HYDIN: variants seen among roughly 807,000 people sequenced by gnomAD.
HYDIN encodes axonemal central pair apparatus protein HYDIN.
HYDIN carries 132 observed loss-of-function variants against 403.9 expected under a neutral mutation model. The observed-to-expected ratio is 0.33, with a 90% confidence interval of 0.28 to 0.38. HYDIN has a LOEUF of 0.38. Ranked by LOEUF, HYDIN falls within the 10% of genes least tolerant of loss-of-function variation. The pLI, the probability that HYDIN is intolerant of heterozygous loss-of-function variation, is 1.00. For synonymous variants in HYDIN, 1,202 were observed against 1,891.7 expected, an observed-to-expected ratio of 0.64 and a Z score of 9.46; for missense variants, 2,827 against 5,009.5, an observed-to-expected ratio of 0.56 and a Z score of 13.15.
In HYDIN at chr16:70,809,822, G is replaced by A; in HGVS notation, c.14844C>T (p.Phe4948=). The part of the protein sequence containing the change: ...LGSSQIILVK[F]INYTRQRTEY... ...CTGTCCTCTGCCGTGTGTAATTGAT[G>A]AACTTCACAAGGATGATTTGGCTGC... The change falls in exon 85 of 86, where the codon TTC becomes TTT. Residue 4948 remains phenylalanine, a synonymous_variant. Transcript: ENST00000393567. The A allele has an allele frequency of 6.2e-7, 1 of 1,614,172 alleles. No homozygotes were observed. Among genetic ancestry groups the A allele is most frequent in the Non-Finnish European group, 8.5e-7 (1 of 1,180,016 alleles).
At chr16:70,956,378 G>A (rs1253012570) in intron 39 of HYDIN, among the ~76,000 whole-genome samples, 1 of 152,182 alleles carries the variant, frequency 6.6e-6, no homozygotes, top group African/African-American at 2.4e-5. Context: ...ACATGTAACT[G>A]TATTTCTTAT....
chr16:71,161,590 T>C (rs1289861095), intron 6 of HYDIN, among the ~76,000 whole-genome samples: 1 of 152,232 alleles, frequency 6.6e-6, no homozygotes, highest in East Asian at 1.9e-4. Flanking sequence ...CAACAGCAGA[T>C]TGAGTCCCTC....
rs530281357 is a variant in HYDIN, at chr16:71,027,083, T to C, written c.3042+519A>G. On this transcript the variant is annotated intron_variant, in intron 20 of 85. Transcript: ENST00000393567. Reference sequence around the variant, plus strand: ...TTTTACGTAGAGTGTATGGAGATCATGTAAATAAAAGCAGGGAATCAGAGT... The same window carrying C: ...TTTTACGTAGAGTGTATGGAGATCACGTAAATAAAAGCAGGGAATCAGAGT... 12 of 960,572 alleles carry C rather than the reference T, an allele frequency of 1.2e-5. No individual in the cohort carries two copies. In the South Asian group the frequency reaches 2.8e-4, roughly 22 times the overall value. The allele number at this position is 960,572 out of a possible 1,614,324, so 59.5% of individuals were successfully genotyped here. A position where few individuals can be genotyped will look rare whatever the true frequency, so the allele number is the denominator to read the frequency against.
At chr16:70,859,597 C>G (rs1597145045) in intron 71 of HYDIN, among the ~76,000 whole-genome samples, 2 of 152,154 alleles carry the variant, frequency 1.3e-5, no homozygotes, top group Non-Finnish European at 2.9e-5. Context: ...GCCAGCAAGT[C>G]TGTATTTCTT....
chr16:71,192,682 G>T (rs185807484), intron 1 of HYDIN, among the ~76,000 whole-genome samples: 2 of 152,186 alleles, frequency 1.3e-5, no homozygotes, highest in East Asian at 3.9e-4. Context: ...CCTTCCTTAT[G>T]ATCTCACAGG....
At chr16:70,992,961 C>G (rs1597488484) in intron 23 of HYDIN, among the ~76,000 whole-genome samples, 1 of 152,202 alleles carries the variant, frequency 6.6e-6, no homozygotes, top group East Asian at 1.9e-4. Flanking sequence ...CTGGACCCCT[C>G]TCTGACCCTC....
At chr16:71,086,509 CCTTT>C (rs1210737880) in intron 12 of HYDIN, among the ~76,000 whole-genome samples, 1 of 150,812 alleles carries the variant, frequency 6.6e-6, no homozygotes, top group Non-Finnish European at 1.5e-5. Context: ...TAGCACTTTC[CCTTT>C]CTTTCATCTA....
intron 13 of HYDIN, among the ~76,000 whole-genome samples, chr16:71,078,302 A>G (rs1372210441): frequency 5.3e-5 from 8 of 151,682 alleles, no homozygotes; most frequent in African/African-American, 1.7e-4. Context: ...CTTCTTTTTC[A>G]GTATATTCTA....
In HYDIN at chr16:70,981,372, C is replaced by T; in HGVS notation, c.4510+19G>A. On this transcript the variant is annotated intron_variant, in intron 29 of 85. Coordinates refer to ENST00000393567, the MANE Select transcript of HYDIN (RefSeq NM_001270974.2). ...TTGTTTTGTCCCCAGTGGGGAACTA[C>T]TCCAGTGTGAAGTACTACCTGTGAG... is the stretch of plus-strand genomic sequence containing the variant. The T allele has an allele frequency of 1.2e-6, 2 of 1,607,980 alleles. No individual in the cohort carries two copies. Among genetic ancestry groups the T allele is most frequent in the Middle Eastern group, 1.8e-4 (1 of 5,624 alleles).
chr16:71,227,611 T>C (rs767222393), intron 1 of HYDIN, among the ~76,000 whole-genome samples: 3 of 152,146 alleles, frequency 2.0e-5, no homozygotes, highest in Non-Finnish European at 4.4e-5. Flanking sequence ...TTACAAGGGA[T>C]GTGAAGGAAC....
intron 1 of HYDIN, among the ~76,000 whole-genome samples, chr16:71,200,187 T>C (rs1457884048): frequency 6.6e-6 from 1 of 152,210 alleles, no homozygotes; most frequent in Non-Finnish European, 1.5e-5. Flanking sequence ...GCCCCTTGTT[T>C]AGCAAATCAT....
At chr16:71,214,897 A>T (rs190171620) in intron 1 of HYDIN, among the ~76,000 whole-genome samples, 91 of 152,246 alleles carry the variant, frequency 6.0e-4, no homozygotes, top group South Asian at 4.2e-4. Context: ...ATAAACTACC[A>T]ACACTCAAGT....
chr16:71,002,363 T>C (rs202169881), intron 23 of HYDIN, among the ~76,000 whole-genome samples: 12 of 152,022 alleles, frequency 7.9e-5, no homozygotes, highest in Non-Finnish European at 1.6e-4. Context: ...CTTGGCAACA[T>C]AATGAGACCC....
chr16:70,932,705 G>A (rs1020877952), intron 45 of HYDIN, among the ~76,000 whole-genome samples: 1 of 152,212 alleles, frequency 6.6e-6, no homozygotes, highest in Non-Finnish European at 1.5e-5. Context: ...TCCTGAAGAG[G>A]AGTTCAGTGG....
chr16:71,177,908 A>G (rs2086735486), intron 4 of HYDIN, among the ~76,000 whole-genome samples: 1 of 152,240 alleles, frequency 6.6e-6, no homozygotes, highest in Admixed American at 6.5e-5. Flanking sequence ...AGAAAAAGTC[A>G]TAAGGCTGAA....
intron 1 of HYDIN, among the ~76,000 whole-genome samples, 174 bp downstream of exon 1, chr16:71,230,388 G>C (rs1055861990): frequency 6.6e-6 from 1 of 152,154 alleles, no homozygotes; most frequent in Non-Finnish European, 1.5e-5. Context: ...CCGAGGTCCC[G>C]TAACTTTCAT....
In HYDIN at chr16:71,198,888, G is replaced by A. The variant is rs79148396; in HGVS notation, c.-23-11970C>T. Among the ~76,000 whole-genome samples the A allele has an allele frequency of 8.5e-3, 1,296 of 152,310 alleles. 18 individuals are homozygous for A. Among genetic ancestry groups the A allele is most frequent in the African/African-American group, 0.03 (1,234 of 41,552 alleles). On this transcript the variant is annotated intron_variant, in intron 1 of 85. Coordinates refer to ENST00000393567, the MANE Select transcript of HYDIN (RefSeq NM_001270974.2). ...CTCCTTCATAGTATGCATATCTTAA[G>A]CTATAGTAGTTGAGACTGAATAGTT...
chr16:71,026,622 T>C (rs1250985665), intron 20 of HYDIN, among the ~76,000 whole-genome samples: 2 of 152,214 alleles, frequency 1.3e-5, no homozygotes, highest in Admixed American at 6.5e-5. Flanking sequence ...ACAATAAAAG[T>C]TGGCTGATCA....
chr16:70,894,408 G>A lies in HYDIN; in HGVS notation c.9248+41C>T, dbSNP rs766610312. The A allele has an allele frequency of 2.4e-5, 39 of 1,611,068 alleles. No homozygotes were observed. In the East Asian group the frequency reaches 3.3e-4, roughly 14 times the overall value. ...CATATTTCCCCACATTCCTCCCCAC[G>A]GCGGACTTGATGGCCTTACATCTGA... On this transcript the variant is annotated intron_variant, in intron 55 of 85. Coordinates refer to ENST00000393567, the MANE Select transcript of HYDIN (RefSeq NM_001270974.2).
Sources: gnomAD v4.1 joint callset for allele counts (sites outside exome capture counted in the v4.1 genomes callset) on GRCh38, gnomAD v4.1.1 for gene constraint, MANE v1.5 for transcripts, NCBI Gene and HGNC (gene_info 2026-07-23, HGNC 2026-07-21) for gene names.